Variants in CADM2 observed in about 807,000 individuals in gnomAD.
CADM2 encodes the protein immunoglobulin superfamily member 4D.
Under a neutral mutation model 49.8 loss-of-function variants are expected in CADM2, and 12 were observed. The observed-to-expected ratio is 0.24, with a 90% CI of 0.15 to 0.39. The LOEUF is 0.39. Among genes scored for constraint, CADM2 ranks in the 10% least tolerant of loss-of-function variants. CADM2 has a pLI of 1.00. For missense variants in CADM2, 378 were observed against 492.3 expected, an observed-to-expected ratio of 0.77 and a Z score of 2.20; for synonymous variants, 214 against 175.4, an observed-to-expected ratio of 1.22 and a Z score of -1.74.
chr3:85,761,603 T>C (rs2069384943), intron 2 of CADM2, among the ~76,000 whole-genome samples: 2 of 151,810 alleles, frequency 1.3e-5, no homozygotes, highest in Non-Finnish European at 2.9e-5. Context: ...TCTCAATCTC[T>C]TGACCTCGTG....
intron 1 of CADM2, among the ~76,000 whole-genome samples, chr3:85,624,760 T>A (rs2064075574): frequency 6.6e-6 from 1 of 152,130 alleles, no homozygotes; most frequent in Admixed American, 6.6e-5. Context: ...CCTGGAAAAA[T>A]GCTTCTGTCT....
At chr3:85,925,792 T>G (rs1360336994) in intron 6 of CADM2, among the ~76,000 whole-genome samples, 1 of 152,084 alleles carries the variant, frequency 6.6e-6, no homozygotes, top group Non-Finnish European at 1.5e-5. Flanking sequence ...CTCTAGTAGC[T>G]CCCTATCTTT....
chr3:84,973,975 T>G (rs2031643944), intron 1 of CADM2, among the ~76,000 whole-genome samples: 1 of 152,106 alleles, frequency 6.6e-6, no homozygotes, highest in Non-Finnish European at 1.5e-5. Context: ...ATTTAAGAAG[T>G]TTAAAAATAA....
intron 8 of CADM2, among the ~76,000 whole-genome samples, chr3:86,001,881 T>C (rs1008858763): frequency 1.3e-5 from 2 of 152,144 alleles, no homozygotes; most frequent in Non-Finnish European, 2.9e-5. Flanking sequence ...TAATTATAGA[T>C]GTATAGATGT....
rs181304767 is a variant in CADM2 at position 85,693,467 on chromosome 3, C to G, written c.62-33055C>G. 9.7e-3 allele frequency among the ~76,000 whole-genome samples: 1,439 copies of G among 148,438 alleles called. 30 individuals are homozygous for G. The highest frequency in any genetic ancestry group is 0.034 in the African/African-American group (1,382 of 40,316). ...CAGTGGCGGGCGCCTGTAGTCCCAG[C>G]AACTCTGGAGGCTGAGGCAGAAGAA... On this transcript the variant is annotated intron_variant, in intron 1 of 9. Transcript: ENST00000383699.
intron 1 of CADM2, among the ~76,000 whole-genome samples, chr3:85,294,269 A>C (rs534002261): frequency 6.0e-4 from 92 of 152,224 alleles, no homozygotes; most frequent in Non-Finnish European, 1.1e-3. Flanking sequence ...ACTACAAAGC[A>C]CTGCTCAAGG....
At chr3:85,837,679 A>G (rs2074467318) in intron 3 of CADM2, among the ~76,000 whole-genome samples, 1 of 151,780 alleles carries the variant, frequency 6.6e-6, no homozygotes, top group Non-Finnish European at 1.5e-5. Context: ...GAAAATATCT[A>G]CATGAACTCT....
chr3:85,354,189 T>C (rs1227346234), intron 1 of CADM2, among the ~76,000 whole-genome samples: 1 of 151,934 alleles, frequency 6.6e-6, no homozygotes, highest in African/African-American at 2.4e-5. Flanking sequence ...CATTATCGTG[T>C]CTAAATCAAC....
chr3:86,029,745 C>A (rs1270181515), intron 8 of CADM2, among the ~76,000 whole-genome samples: 1 of 151,980 alleles, frequency 6.6e-6, no homozygotes, highest in Admixed American at 6.6e-5. Context: ...GTTGACAGGA[C>A]AGGGAACACC....
intron 1 of CADM2, among the ~76,000 whole-genome samples, chr3:85,326,868 A>G (rs1428104640): frequency 6.6e-6 from 1 of 152,130 alleles, no homozygotes; most frequent in East Asian, 1.9e-4. Context: ...AGCTTTTAGT[A>G]GTTTAAATAC....
At chr3:85,539,554 T>G (rs1444537000) in intron 1 of CADM2, among the ~76,000 whole-genome samples, 1 of 152,134 alleles carries the variant, frequency 6.6e-6, no homozygotes, top group Non-Finnish European at 1.5e-5. Flanking sequence ...TTTTCTTTAA[T>G]TTTAATATAT....
chr3:85,395,456 A>G (rs1259637312), intron 1 of CADM2, among the ~76,000 whole-genome samples: 1 of 152,148 alleles, frequency 6.6e-6, no homozygotes, highest in Non-Finnish European at 1.5e-5. Context: ...ACAGAAAAAA[A>G]TTTATTGAAA....
chr3:85,393,229 T>A (rs1405466405), intron 1 of CADM2, among the ~76,000 whole-genome samples: 3 of 152,076 alleles, frequency 2.0e-5, no homozygotes, highest in African/African-American at 7.2e-5. Flanking sequence ...AAGTGACTCA[T>A]GTTTTGAGTT....
intron 1 of CADM2, among the ~76,000 whole-genome samples, chr3:84,984,075 A>G (rs2032385758): frequency 6.7e-6 from 1 of 149,394 alleles, no homozygotes; most frequent in South Asian, 2.1e-4. Context: ...ACACACACAC[A>G]CACACTTATT....
chr3:85,999,316 C>A (rs1729852433), intron 8 of CADM2, among the ~76,000 whole-genome samples: 1 of 151,266 alleles, frequency 6.6e-6, no homozygotes, highest in South Asian at 2.1e-4. Context: ...CCATCCTGGT[C>A]AACATGGTGA....
intron 1 of CADM2, among the ~76,000 whole-genome samples, chr3:85,268,985 A>G (rs1180642955): frequency 1.3e-5 from 2 of 151,424 alleles, no homozygotes; most frequent in Non-Finnish European, 3.0e-5. Flanking sequence ...ATTGCTATCT[A>G]ATTTTACATT....
chr3:85,622,194 G>GT (rs912272277), intron 1 of CADM2, among the ~76,000 whole-genome samples: 11 of 151,620 alleles, frequency 7.3e-5, no homozygotes, highest in African/African-American at 1.2e-4. Context: ...TTGGGGATTT[G>GT]TTTTTTTTCT....
At chr3:85,519,445 A>C (rs1395296207) in intron 1 of CADM2, among the ~76,000 whole-genome samples, 1 of 152,066 alleles carries the variant, frequency 6.6e-6, no homozygotes, top group Non-Finnish European at 1.5e-5. Flanking sequence ...TCATAAATCA[A>C]TATTTGTATT....
At chr3:85,481,700 T>G (rs1183896487) in intron 1 of CADM2, among the ~76,000 whole-genome samples, 1 of 151,646 alleles carries the variant, frequency 6.6e-6, no homozygotes, top group Non-Finnish European at 1.5e-5. Flanking sequence ...CCTAGCACAA[T>G]GTCAGATTCT....
Sources: gnomAD v4.1 joint callset for allele counts (sites outside exome capture counted in the v4.1 genomes callset) on GRCh38, gnomAD v4.1.1 for gene constraint, MANE v1.5 for transcripts, NCBI Gene and HGNC (gene_info 2026-07-23, HGNC 2026-07-21) for gene names.